OGFRL1: variants seen among roughly 807,000 people sequenced by gnomAD.
OGFRL1 encodes opioid growth factor receptor-like protein 1.
In OGFRL1, 26 loss-of-function variants were observed where a neutral mutation model predicts 32.4. The ratio of observed to expected loss-of-function variants is 0.80; its 90% CI spans 0.59 to 1.11. OGFRL1 has a LOEUF of 1.11. Ranked by LOEUF, OGFRL1 falls within the 50% of genes most tolerant of loss-of-function variation. The pLI is 0.00. For missense variants in OGFRL1, 521 were observed against 546.4 expected (o/e 0.95, Z 0.46); for synonymous variants, 211 against 201.2 (o/e 1.05, Z -0.41).
rs748988009 is a variant in OGFRL1, at chr6:71,288,894, CGCCCCGCA to C, written c.-27_-20del. ...GCCCTAGAGCGCCTGCCGCAGCTTGCGCCCCGCAGCCCCGCAGCCCCGCGCCCGCCGCC... is the reference window on the plus strand; with the variant it reads ...GCCCTAGAGCGCCTGCCGCAGCTTGCGCCCCGCAGCCCCGCGCCCGCCGCC... On this transcript the variant is annotated 5_prime_UTR_variant, in exon 1 of 7. Transcript: ENST00000370435. 28 of 1,229,114 alleles carry C rather than the reference CGCCCCGCA, an allele frequency of 2.3e-5. No homozygotes were observed. Among genetic ancestry groups the C allele is most frequent in the African/African-American group, 1.5e-4 (9 of 61,728 alleles). The allele number at this position is 1,229,114 out of a possible 1,614,324, so 76.1% of individuals were successfully genotyped here.
At position 71,307,832 on chromosome 6, in the gene OGFRL1, A is replaced by G. The variant is rs1582569270; in HGVS notation, c.*5783A>G. The G allele has an allele frequency of 6.6e-6, 1 of 152,244 alleles. No individual in the cohort carries two copies. Among genetic ancestry groups the G allele is most frequent in the East Asian group, 1.9e-4 (1 of 5,202 alleles). The allele number at this position is 152,244 out of a possible 1,614,324, so 9.4% of individuals were successfully genotyped here. A position where few individuals can be genotyped will look rare whatever the true frequency, so the allele number is the denominator to read the frequency against. On this transcript the variant is annotated 3_prime_UTR_variant, in exon 7 of 7. Coordinates refer to ENST00000370435, the MANE Select transcript of OGFRL1 (RefSeq NM_024576.5). ...TGTTTCATGTGAAGAAAAATAAAAT[A>G]CAAATGAAATAAAAGTCTAGAAACA...
chr6:71,292,183 T>A (rs770275967), intron 1 of OGFRL1, among the ~76,000 whole-genome samples: 1 of 152,326 alleles, frequency 6.6e-6, no homozygotes. Flanking sequence ...ATTCAGAAAC[T>A]TGCTAGGCAG....
At chr6:71,297,512 TTC>T (rs1766248497) in intron 6 of OGFRL1, among the ~76,000 whole-genome samples, 1 of 152,084 alleles carries the variant, frequency 6.6e-6, no homozygotes, top group Non-Finnish European at 1.5e-5. Flanking sequence ...ACTGTCTATT[TTC>T]TTTTTAATTA....
At position 71,288,993 on chromosome 6, in the gene OGFRL1, C is replaced by A; in HGVS notation, c.57C>A (p.Cys19Ter). The A allele has an allele frequency of 7.2e-7, 1 of 1,391,026 alleles. No individual in the cohort carries two copies. Among genetic ancestry groups the A allele is most frequent in the South Asian group, 1.3e-5 (1 of 77,978 alleles). The allele number at this position is 1,391,026 out of a possible 1,614,324, so 86.2% of individuals were successfully genotyped here. Residue 19 changes from cysteine (C) to a stop codon, truncating the protein, a stop_gained, in exon 1 of 7, where the codon TGC becomes TGA. Transcript: ENST00000370435. LOFTEE classifies it high-confidence loss of function. ...SFREPTTVED[C>*]DSTWQTDSEP... The stretch of plus-strand genomic sequence containing the variant: ...GCGAGCCCACCACCGTGGAGGACTG[C>A]GACTCCACCTGGCAGACCGACTCGG...
intron 1 of OGFRL1, among the ~76,000 whole-genome samples, chr6:71,292,300 A>C (rs1460614829): frequency 6.6e-6 from 1 of 152,194 alleles, no homozygotes; most frequent in Non-Finnish European, 1.5e-5. Flanking sequence ...TGTTGAAGTA[A>C]CTCGGTACTT....
At chr6:71,297,349 CTCA>C (rs1179802699) in intron 6 of OGFRL1, among the ~76,000 whole-genome samples, 3 of 152,122 alleles carry the variant, frequency 2.0e-5, no homozygotes, top group Non-Finnish European at 4.4e-5. Flanking sequence ...AAAACAAAAA[CTCA>C]TTTTTGGGTA....
chr6:71,301,639 C>G lies in OGFRL1; in HGVS notation c.946C>G (p.Arg316Gly), dbSNP rs746194897. Residue 316 changes from arginine (R) to glycine (G), a missense_variant, in exon 7 of 7, where the codon CGA becomes GGA. Arg to Gly is a moderately radical substitution (Grantham distance 125). Transcript: ENST00000370435. ...PSENFIWGPP[R>G]KEQSEGSKAQ... ...AGAGAACTTTATCTGGGGACCGCCT[C>G]GAAAAGAACAGTCGGAGGGAAGCAA... The G allele has an allele frequency of 2.5e-6, 4 of 1,614,022 alleles. No homozygotes were observed. The highest frequency in any genetic ancestry group is 3.4e-6 in the Non-Finnish European group (4 of 1,180,012).
rs376036358 is a variant in OGFRL1 at position 71,288,951 on chromosome 6, C to T, written c.15C>T (p.Leu5=). 2.3e-5 allele frequency: 31 copies of T among 1,376,762 alleles called. No individual in the cohort carries two copies. Among genetic ancestry groups the T allele is most frequent in the East Asian group, 1.1e-4 (3 of 26,810 alleles). The allele number at this position is 1,376,762 out of a possible 1,614,324, so 85.3% of individuals were successfully genotyped here. MGNL[L]GGVSFREPTT... ...CCGCCTCTTCAATGGGCAACCTGCT[C>T]GGCGGGGTCAGCTTCCGCGAGCCCA... is the stretch of plus-strand genomic sequence containing the variant. Residue 5 remains leucine, a synonymous_variant, in exon 1 of 7, where the codon CTC becomes CTT. Coordinates refer to ENST00000370435, the MANE Select transcript of OGFRL1 (RefSeq NM_024576.5).
chr6:71,289,965 C>G (rs1186040811), intron 1 of OGFRL1, among the ~76,000 whole-genome samples: 2 of 152,090 alleles, frequency 1.3e-5, no homozygotes, highest in East Asian at 3.9e-4. Flanking sequence ...TCTTTATCAG[C>G]TAGGGGCGAT....
chr6:71,305,990 A>T lies in OGFRL1; in HGVS notation c.*3941A>T, dbSNP rs757212781. On this transcript the variant is annotated 3_prime_UTR_variant, in exon 7 of 7. Coordinates refer to ENST00000370435, the MANE Select transcript of OGFRL1 (RefSeq NM_024576.5). ...AAAGCTTTGTTTTCTAATCTAAGAT[A>T]CAAAGGATATTCTTGATCTTGCTTG... 6.6e-6 allele frequency: 1 copy of T among 152,304 alleles called. No individual in the cohort carries two copies. Among genetic ancestry groups the T allele is most frequent in the Non-Finnish European group, 1.5e-5 (1 of 68,016 alleles). 9.4% of individuals were successfully genotyped at this position (152,304 alleles called of 1,614,324 possible). A position where few individuals can be genotyped will look rare whatever the true frequency, so the allele number is the denominator to read the frequency against.
At chr6:71,290,076 G>A (rs1434225895) in intron 1 of OGFRL1, among the ~76,000 whole-genome samples, 2 of 152,194 alleles carry the variant, frequency 1.3e-5, no homozygotes, top group Non-Finnish European at 2.9e-5. Context: ...CCATCTTGAT[G>A]ATCAATTCTA....
chr6:71,291,661 GAC>G (rs1766055725), intron 1 of OGFRL1: 2 of 152,220 alleles, frequency 1.3e-5, no homozygotes, highest in African/African-American at 4.8e-5. Flanking sequence ...ATGCTGGCAG[GAC>G]ACAGACATTC....
At chr6:71,300,770 C>A (rs1439601516) in intron 6 of OGFRL1, among the ~76,000 whole-genome samples, 3 of 152,064 alleles carry the variant, frequency 2.0e-5, no homozygotes, top group Non-Finnish European at 2.9e-5. Flanking sequence ...AGTTACAGAG[C>A]CAGGGTGTGA....
In OGFRL1 at chr6:71,288,876, A is replaced by G. The variant is rs1765943611; in HGVS notation, c.-61A>G. The G allele has an allele frequency of 8.5e-7, 1 of 1,171,212 alleles. No individual in the cohort carries two copies. Among genetic ancestry groups the G allele is most frequent in the South Asian group, 2.0e-5 (1 of 49,330 alleles). 72.6% of individuals were successfully genotyped at this position (1,171,212 alleles called of 1,614,324 possible). A position where few individuals can be genotyped will look rare whatever the true frequency, so the allele number is the denominator to read the frequency against. On this transcript the variant is annotated 5_prime_UTR_variant, in exon 1 of 7. Coordinates refer to ENST00000370435, the MANE Select transcript of OGFRL1 (RefSeq NM_024576.5). Reference sequence around the variant, plus strand: ...CGCCGCGGCCATGCCCGGGCCCTAGAGCGCCTGCCGCAGCTTGCGCCCCGC... The same window carrying G: ...CGCCGCGGCCATGCCCGGGCCCTAGGGCGCCTGCCGCAGCTTGCGCCCCGC...
At chr6:71,293,416 T>A in intron 2 of OGFRL1, 37 bp downstream of exon 2, 1 of 1,597,842 alleles carries the variant, frequency 6.3e-7, no homozygotes, top group Non-Finnish European at 8.6e-7. Flanking sequence ...AACTGTAAAC[T>A]ATTTTCCTTC....
chr6:71,292,021 G>A (rs1194098894), intron 1 of OGFRL1: 2 of 152,130 alleles, frequency 1.3e-5, no homozygotes, highest in Admixed American at 1.3e-4. Context: ...TGTCAATCAG[G>A]TGTGTTTTAA....
rs1001911124 is a variant in OGFRL1, at chr6:71,301,857, T to G, written c.1164T>G (p.Ala388=). Residue 388 remains alanine, a synonymous_variant, in exon 7 of 7, where the codon GCT becomes GCG. Coordinates refer to ENST00000370435, the MANE Select transcript of OGFRL1 (RefSeq NM_024576.5). Reference sequence around the variant, plus strand: ...CCAGCCCAGAGCCCAGCAATGAAGCTGCCAAGCCAAGAAATACAGAGAAGG... The same window carrying G: ...CCAGCCCAGAGCCCAGCAATGAAGCGGCCAAGCCAAGAAATACAGAGAAGG... ...DRPSPEPSNE[A]AKPRNTEKDS... The G allele has an allele frequency of 1.2e-6, 2 of 1,612,804 alleles. No individual in the cohort carries two copies. The highest frequency in any genetic ancestry group is 1.7e-6 in the Non-Finnish European group (2 of 1,179,702).
chr6:71,296,568 C>T lies in OGFRL1; in HGVS notation c.546+7C>T, dbSNP rs760226518. On this transcript the variant is annotated splice_region_variant and intron_variant, in intron 5 of 6. Coordinates refer to ENST00000370435, the MANE Select transcript of OGFRL1 (RefSeq NM_024576.5). ...AACTACATATGAAATTGAGGTAATG[C>T]AAGCTCATTTCATTTTATACAGGGT... The T allele has an allele frequency of 6.2e-7, 1 of 1,610,840 alleles. No individual in the cohort carries two copies. The highest frequency in any genetic ancestry group is 8.5e-7 in the Non-Finnish European group (1 of 1,178,544).
At chr6:71,295,692 C>T (rs891469570) in intron 3 of OGFRL1, 1 of 152,212 alleles carries the variant, frequency 6.6e-6, no homozygotes, top group African/African-American at 2.4e-5. Flanking sequence ...GTAATATGGG[C>T]ACAGCATGTA....
Sources: gnomAD v4.1 joint callset for allele counts (sites outside exome capture counted in the v4.1 genomes callset) on GRCh38, gnomAD v4.1.1 for gene constraint, MANE v1.5 for transcripts, NCBI Gene and HGNC (gene_info 2026-07-23, HGNC 2026-07-21) for gene names.